RAP2B: variants seen among roughly 807,000 people sequenced by gnomAD.
RAP2B encodes the protein RAP2B, member of RAS oncogene family, also known as ras-related protein Rap-2b.
Under a neutral mutation model 14.4 loss-of-function variants are expected in RAP2B, and 6 were observed. The ratio of observed to expected loss-of-function variants is 0.42; its 90% CI spans 0.23 to 0.82. The LOEUF (loss-of-function observed/expected upper bound fraction) is 0.82. Among genes scored for constraint, RAP2B ranks in the 40% least tolerant of loss-of-function variants. RAP2B has a pLI of 0.30. For missense variants in RAP2B, 137 were observed against 248.2 expected (o/e 0.55, Z 3.01); for synonymous variants, 118 against 113.2 (o/e 1.04, Z -0.27).
In RAP2B at chr3:153,166,014, C is replaced by G. The variant is rs1713565993; in HGVS notation, c.*2769C>G. 6.0e-6 allele frequency: 1 copy of G among 166,868 alleles called. No homozygotes were observed. The highest frequency in any genetic ancestry group is 2.1e-4 in the South Asian group (1 of 4,820). The allele number at this position is 166,868 out of a possible 1,614,324, so 10.3% of individuals were successfully genotyped here. ...AGTATCTAAGAAATGTATATACTGA[C>G]AGAAGATATTTGAAAGTGGAAAATT... On this transcript the variant is annotated 3_prime_UTR_variant, in exon 1 of 1. Transcript: ENST00000323534.
At position 153,162,590 on chromosome 3, in the gene RAP2B, G is replaced by A. The variant is rs556058138; in HGVS notation, c.-104G>A. The A allele has an allele frequency of 7.9e-5, 105 of 1,325,294 alleles. No homozygotes were observed. Among genetic ancestry groups the A allele is most frequent in the Non-Finnish European group, 1.0e-4 (101 of 994,810 alleles). The allele number at this position is 1,325,294 out of a possible 1,614,324, so 82.1% of individuals were successfully genotyped here. A position where few individuals can be genotyped will look rare whatever the true frequency, so the allele number is the denominator to read the frequency against. On this transcript the variant is annotated 5_prime_UTR_variant, in exon 1 of 1. Transcript: ENST00000323534. This position sits in a 1 kb window ranked among gnomAD's most constrained non-coding sequence, Gnocchi z 4.9. Reference sequence around the variant, plus strand: ...TTGCTCTCTCCTGGGTTTTTCCTGCGTAGCTGAGGAAGGGGAAGAGAAGTC... The same window carrying A: ...TTGCTCTCTCCTGGGTTTTTCCTGCATAGCTGAGGAAGGGGAAGAGAAGTC...
Position 153,167,166 on chromosome 3 carries a change from CTAATA to C in RAP2B, c.*3926_*3930del, listed in dbSNP as rs1222841472. Reference sequence around the variant, plus strand: ...TGAAAATATAGTAAATTTTAAAATACTAATATAATGTGGTATTCTTGATTACAGTA... The same window carrying C: ...TGAAAATATAGTAAATTTTAAAATACTAATGTGGTATTCTTGATTACAGTA... On this transcript the variant is annotated 3_prime_UTR_variant, in exon 1 of 1. Coordinates refer to ENST00000323534, the MANE Select transcript of RAP2B (RefSeq NM_002886.4). The C allele has an allele frequency of 1.2e-5, 2 of 166,900 alleles. No individual in the cohort carries two copies. The highest frequency in any genetic ancestry group is 2.9e-5 in the Non-Finnish European group (2 of 68,098). 10.3% of individuals were successfully genotyped at this position (166,900 alleles called of 1,614,324 possible).
Position 153,166,394 on chromosome 3 carries a change from G to A in RAP2B, c.*3149G>A, listed in dbSNP as rs1713577642. ...TAAGGGCATTTGTTTCAATGAAAAA[G>A]TTAGTGTTAAAGGAAGTGAGTCAGG... On this transcript the variant is annotated 3_prime_UTR_variant, in exon 1 of 1. Coordinates refer to ENST00000323534, the MANE Select transcript of RAP2B (RefSeq NM_002886.4). 1 of 167,002 alleles carries A rather than the reference G, an allele frequency of 6.0e-6. No homozygotes were observed. Among genetic ancestry groups the A allele is most frequent in the Non-Finnish European group, 1.5e-5 (1 of 68,076 alleles). 10.3% of individuals were successfully genotyped at this position (167,002 alleles called of 1,614,324 possible).
rs114982917 is a variant in RAP2B, at chr3:153,163,738, G to C, written c.*493G>C. On this transcript the variant is annotated 3_prime_UTR_variant, in exon 1 of 1. Coordinates refer to ENST00000323534, the MANE Select transcript of RAP2B (RefSeq NM_002886.4). ...GTTTTAAATACATGGAAGGAAGTCCGGGAGAACCATATGAAGGAGCAGGAG... is the reference window on the plus strand; with the variant it reads ...GTTTTAAATACATGGAAGGAAGTCCCGGAGAACCATATGAAGGAGCAGGAG... 2.6e-5 allele frequency: 4 copies of C among 153,520 alleles called. No individual in the cohort carries two copies. The highest frequency in any genetic ancestry group is 7.8e-5 in the Admixed American group (1 of 12,846). The allele number at this position is 153,520 out of a possible 1,614,324, so 9.5% of individuals were successfully genotyped here. A position where few individuals can be genotyped will look rare whatever the true frequency, so the allele number is the denominator to read the frequency against.
In RAP2B at chr3:153,170,346, T is replaced by C. The variant is rs931529185; in HGVS notation, c.*7101T>C. 25 of 152,232 alleles carry C rather than the reference T, an allele frequency of 1.6e-4. No homozygotes were observed. The highest frequency in any genetic ancestry group is 3.3e-4 in the Admixed American group (5 of 15,288). 9.4% of individuals were successfully genotyped at this position (152,232 alleles called of 1,614,324 possible). On this transcript the variant is annotated 3_prime_UTR_variant, in exon 1 of 1. Coordinates refer to ENST00000323534, the MANE Select transcript of RAP2B (RefSeq NM_002886.4). ...TGATTCATTGATTATTCAACACTTA[T>C]TGAGCACATACTACTATTATTAATA...
At position 153,164,230 on chromosome 3, in the gene RAP2B, A is replaced by T. The variant is rs1238134730; in HGVS notation, c.*985A>T. ...ATTTTAATGACTAGCTTTTAAAAAT[A>T]CAGTACAAAGACTTTGTAAATGTGA... On this transcript the variant is annotated 3_prime_UTR_variant, in exon 1 of 1. Coordinates refer to ENST00000323534, the MANE Select transcript of RAP2B (RefSeq NM_002886.4). The T allele has an allele frequency of 6.0e-6, 1 of 167,020 alleles. No individual in the cohort carries two copies. Among genetic ancestry groups the T allele is most frequent in the Non-Finnish European group, 1.5e-5 (1 of 68,144 alleles). 10.3% of individuals were successfully genotyped at this position (167,020 alleles called of 1,614,324 possible).
At position 153,169,116 on chromosome 3, in the gene RAP2B, G is replaced by A. The variant is rs932563184; in HGVS notation, c.*5871G>A. On this transcript the variant is annotated 3_prime_UTR_variant, in exon 1 of 1. Transcript: ENST00000323534. ...TCTAATCCTGGTTAATAATCATTAG[G>A]ACTAAACTATTTACATTAAAGAAGG... 3.3e-5 allele frequency: 5 copies of A among 152,080 alleles called. No homozygotes were observed. The highest frequency in any genetic ancestry group is 1.2e-4 in the African/African-American group (5 of 41,382). The allele number at this position is 152,080 out of a possible 1,614,324, so 9.4% of individuals were successfully genotyped here. A position where few individuals can be genotyped will look rare whatever the true frequency, so the allele number is the denominator to read the frequency against.
chr3:153,167,390 C>T lies in RAP2B; in HGVS notation c.*4145C>T, dbSNP rs778708399. 5 of 166,988 alleles carry T rather than the reference C, an allele frequency of 3.0e-5. No homozygotes were observed. Among genetic ancestry groups the T allele is most frequent in the Non-Finnish European group, 5.9e-5 (4 of 68,088 alleles). The allele number at this position is 166,988 out of a possible 1,614,324, so 10.3% of individuals were successfully genotyped here. On this transcript the variant is annotated 3_prime_UTR_variant, in exon 1 of 1. Transcript: ENST00000323534. The stretch of plus-strand genomic sequence containing the variant: ...GCTTAAAACATGTACTGCTGGGACC[C>T]TCCTCCAGTTTCTTACCCAGTGGGT...
At position 153,165,133 on chromosome 3, in the gene RAP2B, C is replaced by T. The variant is rs1481132043; in HGVS notation, c.*1888C>T. 6.0e-6 allele frequency: 1 copy of T among 167,014 alleles called. No individual in the cohort carries two copies. Among genetic ancestry groups the T allele is most frequent in the Non-Finnish European group, 1.5e-5 (1 of 68,096 alleles). 10.3% of individuals were successfully genotyped at this position (167,014 alleles called of 1,614,324 possible). On this transcript the variant is annotated 3_prime_UTR_variant, in exon 1 of 1. Coordinates refer to ENST00000323534, the MANE Select transcript of RAP2B (RefSeq NM_002886.4). ...CTTTTTTCCCTCTGTTTATATTGCA[C>T]ATCAAGTCAAAAACATGTTTGGGAA...
At position 153,162,643 on chromosome 3, in the gene RAP2B, G is replaced by C. The variant is rs1713442234; in HGVS notation, c.-51G>C. ...GCCGCCAAGCCCAGCCTTCCCCGGC[G>C]CGCAGCCCCGACGGGGCCGCGGCAG... On this transcript the variant is annotated 5_prime_UTR_variant, in exon 1 of 1. Coordinates refer to ENST00000323534, the MANE Select transcript of RAP2B (RefSeq NM_002886.4). This position sits in a 1 kb window ranked among gnomAD's most constrained non-coding sequence, Gnocchi z 4.9. The C allele has an allele frequency of 6.5e-7, 1 of 1,534,028 alleles. No homozygotes were observed. Among genetic ancestry groups the C allele is most frequent in the Non-Finnish European group, 8.7e-7 (1 of 1,143,630 alleles).
In RAP2B at chr3:153,168,920, C is replaced by G. The variant is rs1051201534; in HGVS notation, c.*5675C>G. 5 of 152,084 alleles carry G rather than the reference C, an allele frequency of 3.3e-5. No homozygotes were observed. Among genetic ancestry groups the G allele is most frequent in the Non-Finnish European group, 5.9e-5 (4 of 68,028 alleles). 9.4% of individuals were successfully genotyped at this position (152,084 alleles called of 1,614,324 possible). On this transcript the variant is annotated 3_prime_UTR_variant, in exon 1 of 1. Coordinates refer to ENST00000323534, the MANE Select transcript of RAP2B (RefSeq NM_002886.4). ...TGACTTCAGTATATTTTTATCTTGG[C>G]TTTCATTTTACGGTTATTTCTACTA...
In RAP2B at chr3:153,167,483, A is replaced by G. The variant is rs1040861784; in HGVS notation, c.*4238A>G. The G allele has an allele frequency of 6.0e-6, 1 of 167,012 alleles. No individual in the cohort carries two copies. The highest frequency in any genetic ancestry group is 1.5e-5 in the Non-Finnish European group (1 of 68,122). 10.3% of individuals were successfully genotyped at this position (167,012 alleles called of 1,614,324 possible). ...TGATTGTGTTATTGCTGTTCCAGGG[A>G]CCACACTTTGAAAACCAGTGATCTA... On this transcript the variant is annotated 3_prime_UTR_variant, in exon 1 of 1. Transcript: ENST00000323534.
At position 153,165,118 on chromosome 3, in the gene RAP2B, T is replaced by C. The variant is rs1292637696; in HGVS notation, c.*1873T>C. 6.0e-6 allele frequency: 1 copy of C among 167,030 alleles called. No homozygotes were observed. Among genetic ancestry groups the C allele is most frequent in the Non-Finnish European group, 1.5e-5 (1 of 68,112 alleles). 10.3% of individuals were successfully genotyped at this position (167,030 alleles called of 1,614,324 possible). The stretch of plus-strand genomic sequence containing the variant: ...TTTAAGTTTTTCTTCCTTTTTTCCC[T>C]CTGTTTATATTGCACATCAAGTCAA... On this transcript the variant is annotated 3_prime_UTR_variant, in exon 1 of 1. Coordinates refer to ENST00000323534, the MANE Select transcript of RAP2B (RefSeq NM_002886.4).
In RAP2B at chr3:153,163,256, G is replaced by A. The variant is rs150759749; in HGVS notation, c.*11G>A. 386 of 1,520,068 alleles carry A rather than the reference G, an allele frequency of 2.5e-4. No homozygotes were observed. In the African/African-American group the frequency reaches 5.0e-3, roughly 20 times the overall value. 94.2% of individuals were successfully genotyped at this position (1,520,068 alleles called of 1,614,324 possible). ...TGCGTGATCCTCTGAGGCGGCCACC[G>A]CGCGCCGGCCGCGCTCTGCGCACAA... On this transcript the variant is annotated 3_prime_UTR_variant, in exon 1 of 1. Transcript: ENST00000323534.
rs1364290098 is a variant in RAP2B at position 153,164,362 on chromosome 3, C to G, written c.*1117C>G. 37 of 167,060 alleles carry G rather than the reference C, an allele frequency of 2.2e-4. No homozygotes were observed. The Admixed American group carries it at 2.3e-3, about 10-fold the overall frequency. The allele number at this position is 167,060 out of a possible 1,614,324, so 10.3% of individuals were successfully genotyped here. A position where few individuals can be genotyped will look rare whatever the true frequency, so the allele number is the denominator to read the frequency against. ...CACCATATCCCAGAATCTGCTATTCCCCAAACCACTTCCCAGTTTCCTTTC... is the reference window on the plus strand; with the variant it reads ...CACCATATCCCAGAATCTGCTATTCGCCAAACCACTTCCCAGTTTCCTTTC... On this transcript the variant is annotated 3_prime_UTR_variant, in exon 1 of 1. Coordinates refer to ENST00000323534, the MANE Select transcript of RAP2B (RefSeq NM_002886.4).
In RAP2B at chr3:153,162,416, A is replaced by C; in HGVS notation, c.-278A>C. 3 of 249,198 alleles carry C rather than the reference A, an allele frequency of 1.2e-5. No homozygotes were observed. Among genetic ancestry groups the C allele is most frequent in the Non-Finnish European group, 1.5e-5 (2 of 132,606 alleles). 15.4% of individuals were successfully genotyped at this position (249,198 alleles called of 1,614,324 possible). ...CCGTCGCCTCGCGCAGGCTGCGGGC[A>C]TTGTCCTCTCGGTTCGCCGCCCGGG... On this transcript the variant is annotated 5_prime_UTR_variant, in exon 1 of 1. Coordinates refer to ENST00000323534, the MANE Select transcript of RAP2B (RefSeq NM_002886.4). This position sits in a 1 kb window ranked among gnomAD's most constrained non-coding sequence, Gnocchi z 4.9.
At position 153,163,357 on chromosome 3, in the gene RAP2B, G is replaced by T. The variant is rs1713466169; in HGVS notation, c.*112G>T. On this transcript the variant is annotated 3_prime_UTR_variant, in exon 1 of 1. Coordinates refer to ENST00000323534, the MANE Select transcript of RAP2B (RefSeq NM_002886.4). The stretch of plus-strand genomic sequence containing the variant: ...TTGGAGACCACTTTGCATTGGCCAG[G>T]GTGTCTTGGGAGCCCGGCTGGCCTC... The T allele has an allele frequency of 1.4e-6, 2 of 1,410,674 alleles. No individual in the cohort carries two copies. The highest frequency in any genetic ancestry group is 1.9e-6 in the Non-Finnish European group (2 of 1,064,770). The allele number at this position is 1,410,674 out of a possible 1,614,324, so 87.4% of individuals were successfully genotyped here. A position where few individuals can be genotyped will look rare whatever the true frequency, so the allele number is the denominator to read the frequency against.
rs896111353 is a variant in RAP2B at position 153,163,270 on chromosome 3, C to A, written c.*25C>A. On this transcript the variant is annotated 3_prime_UTR_variant, in exon 1 of 1. Transcript: ENST00000323534. ...AGGCGGCCACCGCGCGCCGGCCGCG[C>A]TCTGCGCACAAAAGCCAAACGCATC... The A allele has an allele frequency of 6.6e-7, 1 of 1,505,408 alleles. No individual in the cohort carries two copies. Among genetic ancestry groups the A allele is most frequent in the African/African-American group, 1.4e-5 (1 of 71,332 alleles). The allele number at this position is 1,505,408 out of a possible 1,614,324, so 93.3% of individuals were successfully genotyped here. A position where few individuals can be genotyped will look rare whatever the true frequency, so the allele number is the denominator to read the frequency against.
At position 153,163,295 on chromosome 3, in the gene RAP2B, C is replaced by T. The variant is rs1177882223; in HGVS notation, c.*50C>T. ...CTCTGCGCACAAAAGCCAAACGCAT[C>T]CGACTCTCTAAATGTGATTTATTTC... On this transcript the variant is annotated 3_prime_UTR_variant, in exon 1 of 1. Coordinates refer to ENST00000323534, the MANE Select transcript of RAP2B (RefSeq NM_002886.4). 2.7e-6 allele frequency: 4 copies of T among 1,484,662 alleles called. No homozygotes were observed. The African/African-American group carries it at 4.2e-5, about 16-fold the overall frequency. 92.0% of individuals were successfully genotyped at this position (1,484,662 alleles called of 1,614,324 possible). A position where few individuals can be genotyped will look rare whatever the true frequency, so the allele number is the denominator to read the frequency against.
Sources: allele counts gnomAD v4.1 joint callset, GRCh38; gene constraint gnomAD v4.1.1; non-coding constraint Gnocchi (gnomAD v3.1); transcripts MANE v1.5; gene names NCBI Gene and HGNC (gene_info 2026-07-23, HGNC 2026-07-21).